IGSF10: variants seen among roughly 807,000 people sequenced by gnomAD.
IGSF10 encodes immunoglobulin superfamily member 10, also known as calvaria mechanical force protein 608.
IGSF10 carries 126 observed loss-of-function variants against 128.2 expected under a neutral mutation model. That is an observed-to-expected ratio of 0.98 (90% CI 0.85 to 1.14). The LOEUF is 1.14. Ranked by LOEUF, IGSF10 falls within the 50% of genes most tolerant of loss-of-function variation. The probability of loss-of-function intolerance (pLI) is 0.00; values close to 1 mark genes in which losing one functional copy is unlikely to be tolerated. For synonymous variants in IGSF10, 1,185 were observed against 1,146.2 expected (o/e 1.03, Z -0.68); for missense variants, 3,295 against 3,149.8 (o/e 1.05, Z -1.10).
rs781609575 is a variant in IGSF10 at position 151,448,876 on chromosome 3, C to T, written c.1105G>A (p.Gly369Ser). ...ATTTGCCACACTGGCTGAATGTGAC[C>T]GTAATCTATGTTGCACACCAAAAAT... is the stretch of plus-strand genomic sequence containing the variant. ...STFLVCNIDY[G>S]HIQPVWQILA... is the part of the protein sequence containing the mutation. The change falls in exon 6 of 8, where the codon GGT (glycine) becomes AGT (serine). Residue 369 changes from glycine (G) to serine (S), a missense_variant. By Grantham distance (56) the Gly-to-Ser change is moderately conservative (BLOSUM62 0). Coordinates refer to ENST00000282466, the MANE Select transcript of IGSF10 (RefSeq NM_178822.5). 4.7e-5 allele frequency: 76 copies of T among 1,614,004 alleles called. No homozygotes were observed. The highest frequency in any genetic ancestry group is 8.9e-5 in the East Asian group (4 of 44,894).
the IGSF10 span, among the ~76,000 whole-genome samples, chr3:151,534,102 A>C: frequency 6.6e-6 from 1 of 152,042 alleles, no homozygotes; most frequent in Admixed American, 6.6e-5. Flanking sequence ...CAAAACCACA[A>C]TGAGATAACA....
intron 5 of IGSF10, among the ~76,000 whole-genome samples, chr3:151,452,389 A>G (rs1721552878): frequency 6.6e-6 from 1 of 152,210 alleles, no homozygotes; most frequent in Non-Finnish European, 1.5e-5. Flanking sequence ...ACTCTACTGA[A>G]TACTGTAAGC....
the IGSF10 span, among the ~76,000 whole-genome samples, chr3:151,475,513 T>G: frequency 9.2e-5 from 14 of 152,222 alleles, no homozygotes; most frequent in African/African-American, 3.1e-4. Context: ...CCTGTAACAT[T>G]TGGCCTATCC....
chr3:151,508,726 G>A, the IGSF10 span, among the ~76,000 whole-genome samples: 10 of 151,966 alleles, frequency 6.6e-5, no homozygotes, highest in Admixed American at 6.5e-4. Flanking sequence ...TGCTTCAGAG[G>A]GCCCATGGAG....
At chr3:151,532,423 C>T in the IGSF10 span, among the ~76,000 whole-genome samples, 1 of 152,048 alleles carries the variant, frequency 6.6e-6, no homozygotes, top group African/African-American at 2.4e-5. Flanking sequence ...ATGTAAAAAT[C>T]CTCAATAAAA....
the IGSF10 span, among the ~76,000 whole-genome samples, chr3:151,489,867 T>C: frequency 1.3e-5 from 2 of 152,078 alleles, no homozygotes; most frequent in Non-Finnish European, 2.9e-5. Flanking sequence ...AAATACTTAA[T>C]GTAGATGATG....
chr3:151,445,358 GAAGT>G lies in IGSF10; in HGVS notation c.4619_4622del (p.His1540ProfsTer15), dbSNP rs750185939. The G allele has an allele frequency of 1.2e-6, 2 of 1,614,094 alleles. No homozygotes were observed. The highest frequency in any genetic ancestry group is 2.7e-5 in the African/African-American group (2 of 74,948). ...TAGAATGTAACAGATTAGAGTAGAT[GAAGT>G]GAGTGGTTCCAATTGTGAACTTGGC... is the stretch of plus-strand genomic sequence containing the variant. On this transcript the variant is annotated frameshift_variant, in exon 6 of 8. Transcript: ENST00000282466. LOFTEE classifies it high-confidence loss of function.
the IGSF10 span, among the ~76,000 whole-genome samples, chr3:151,591,212 AT>A: frequency 3.3e-5 from 5 of 151,746 alleles, no homozygotes; most frequent in Non-Finnish European, 5.9e-5. Flanking sequence ...ATATTTCTGT[AT>A]TTTTTTCTAT....
At chr3:151,467,611 G>A in the IGSF10 span, among the ~76,000 whole-genome samples, 2 of 152,100 alleles carry the variant, frequency 1.3e-5, no homozygotes, top group Non-Finnish European at 2.9e-5. Flanking sequence ...TGAGCCGGGC[G>A]CGGTGGCTCA....
the IGSF10 span, among the ~76,000 whole-genome samples, chr3:151,495,328 G>A: frequency 6.6e-6 from 1 of 152,106 alleles, no homozygotes; most frequent in Non-Finnish European, 1.5e-5. Context: ...AAGGTCAGTT[G>A]CAAAGTAAAA....
At chr3:151,496,950 T>C in the IGSF10 span, among the ~76,000 whole-genome samples, 2 of 152,206 alleles carry the variant, frequency 1.3e-5, no homozygotes, top group African/African-American at 2.4e-5. Flanking sequence ...CATTTTTTCA[T>C]GTGTCTGTTG....
the IGSF10 span, among the ~76,000 whole-genome samples, chr3:151,538,980 G>C: frequency 6.6e-6 from 1 of 152,138 alleles, no homozygotes; most frequent in African/African-American, 2.4e-5. Context: ...ATTTGAAGAG[G>C]CACGATAAAG....
At chr3:151,524,960 G>A in the IGSF10 span, among the ~76,000 whole-genome samples, 38 of 133,118 alleles carry the variant, frequency 2.9e-4, no homozygotes, top group African/African-American at 1.0e-3. Flanking sequence ...TTGTCAATAT[G>A]AAATAGATAA....
chr3:151,570,196 T>C, the IGSF10 span, among the ~76,000 whole-genome samples: 4 of 152,298 alleles, frequency 2.6e-5, no homozygotes, highest in Middle Eastern at 0.014. Context: ...AATAAACATT[T>C]GTGTGCATGT....
chr3:151,567,574 G>A, the IGSF10 span, among the ~76,000 whole-genome samples: 1 of 152,100 alleles, frequency 6.6e-6, no homozygotes, highest in Non-Finnish European at 1.5e-5. Context: ...ATATCAAACA[G>A]TGTTACCTGG....
At chr3:151,444,469 G>A (rs915815864) in intron 6 of IGSF10, among the ~76,000 whole-genome samples, 9 of 151,962 alleles carry the variant, frequency 5.9e-5, no homozygotes, top group East Asian at 1.9e-4. Context: ...CACCACACCC[G>A]GCTAATTTAT....
chr3:151,543,308 T>C, the IGSF10 span, among the ~76,000 whole-genome samples: 1 of 152,094 alleles, frequency 6.6e-6, no homozygotes, highest in African/African-American at 2.4e-5. Context: ...GCAGTTTTAT[T>C]CAGCAGCTTT....
the IGSF10 span, among the ~76,000 whole-genome samples, chr3:151,542,581 T>A: frequency 5.9e-5 from 9 of 152,334 alleles, 2 homozygotes; most frequent in South Asian, 1.9e-3. Context: ...ATACATTTCT[T>A]TCCTTGTTTT....
chr3:151,599,135 G>A, the IGSF10 span, among the ~76,000 whole-genome samples: 4 of 152,270 alleles, frequency 2.6e-5, no homozygotes, highest in South Asian at 2.1e-4. Flanking sequence ...GGGAGCCGTC[G>A]AGTGGAAAAG....
Sources: gnomAD v4.1 joint callset for allele counts (sites outside exome capture counted in the v4.1 genomes callset) on GRCh38, gnomAD v4.1.1 for gene constraint, MANE v1.5 for transcripts, NCBI Gene and HGNC (gene_info 2026-07-23, HGNC 2026-07-21) for gene names.